RBFOX1: variants seen among roughly 807,000 people sequenced by gnomAD.
RBFOX1 encodes the protein RNA binding fox-1 homolog 1, also known as RNA binding protein fox-1 homolog 1.
RBFOX1 carries 8 observed loss-of-function variants against 57.7 expected under a neutral mutation model. That is an observed-to-expected ratio of 0.14 (90% confidence interval 0.08 to 0.25). The LOEUF is 0.25. Among genes scored for constraint, RBFOX1 ranks in the 10% least tolerant of loss-of-function variants. The probability of loss-of-function intolerance (pLI) is 1.00; values close to 1 mark genes in which losing one functional copy is unlikely to be tolerated. For synonymous variants in RBFOX1, 326 were observed against 222.4 expected, an observed-to-expected ratio of 1.47 and a Z score of -4.15; for missense variants, 611 against 548.5, an observed-to-expected ratio of 1.11 and a Z score of -1.14.
At chr16:5,433,371 T>A (rs1007292075) in intron 1 of RBFOX1, among the ~76,000 whole-genome samples, 2 of 151,804 alleles carry the variant, frequency 1.3e-5, no homozygotes, top group African/African-American at 2.4e-5. Context: ...TGGCTGGGGG[T>A]GAGAATTTGA....
intron 3 of RBFOX1, among the ~76,000 whole-genome samples, chr16:6,741,327 G>A (rs567465784): frequency 2.0e-5 from 3 of 152,172 alleles, no homozygotes; most frequent in Admixed American, 2.0e-4. Context: ...TCGGTGACAT[G>A]CCACCAAGGG....
rs551330677 is a variant in RBFOX1, at chr16:5,508,182, T to C, written c.258+40928T>C. ...GCTGGGGGTCTGGACGTGGTTTAGC[T>C]GCATCATCTGCTTCTGAGTCTCACA... On this transcript the variant is annotated intron_variant, in intron 2 of 2. Transcript: ENST00000585867. Among the ~76,000 whole-genome samples, 4 of 152,332 alleles carry C rather than the reference T, an allele frequency of 2.6e-5. No homozygotes were observed. In the East Asian group the frequency reaches 7.7e-4, roughly 29 times the overall value.
intron 2 of RBFOX1, among the ~76,000 whole-genome samples, chr16:5,539,134 T>C (rs920445643): frequency 3.9e-5 from 6 of 152,282 alleles, no homozygotes; most frequent in South Asian, 2.1e-4. Context: ...CTTAGACACC[T>C]GGGCTTCCAG....
At chr16:6,566,251 G>A (rs1410268532) in intron 2 of RBFOX1, among the ~76,000 whole-genome samples, 2 of 152,174 alleles carry the variant, frequency 1.3e-5, no homozygotes. Flanking sequence ...ACCACGGTGA[G>A]AAAAAGCCAC....
At chr16:6,480,337 C>A (rs1199308288) in intron 2 of RBFOX1, among the ~76,000 whole-genome samples, 1 of 152,096 alleles carries the variant, frequency 6.6e-6, no homozygotes, top group African/African-American at 2.4e-5. Context: ...TTTTAGACTT[C>A]CTGGGCCACT....
At chr16:6,368,481 TC>T (rs1567135013) in intron 2 of RBFOX1, among the ~76,000 whole-genome samples, 1 of 152,238 alleles carries the variant, frequency 6.6e-6, no homozygotes, top group Non-Finnish European at 1.5e-5. Context: ...TGTAGACCTT[TC>T]CAGTTCTCTG....
chr16:6,333,077 C>A (rs2152810135), intron 2 of RBFOX1, among the ~76,000 whole-genome samples: 1 of 152,156 alleles, frequency 6.6e-6, no homozygotes, highest in East Asian at 1.9e-4. Context: ...TCTTGCTCTG[C>A]CACCTAGGCT....
intron 4 of RBFOX1, among the ~76,000 whole-genome samples, chr16:7,483,401 C>T (rs930093224): frequency 2.0e-5 from 3 of 152,180 alleles, no homozygotes; most frequent in Non-Finnish European, 4.4e-5. Context: ...ATTTCCCTTA[C>T]TTGTGAAAGA....
At chr16:5,839,137 G>A (rs1056464389) in intron 3 of RBFOX1, among the ~76,000 whole-genome samples, 14 of 152,080 alleles carry the variant, frequency 9.2e-5, no homozygotes, top group African/African-American at 2.7e-4. Flanking sequence ...TGAAAAACAC[G>A]GACTTATAAC....
At chr16:7,129,802 A>T (rs1371655302) in intron 4 of RBFOX1, among the ~76,000 whole-genome samples, 1 of 127,466 alleles carries the variant, frequency 7.8e-6, no homozygotes, top group South Asian at 2.8e-4. Context: ...TGAAAAAAAA[A>T]ATGAGTGAAT....
chr16:7,411,591 C>G (rs1410176681), intron 4 of RBFOX1, among the ~76,000 whole-genome samples: 1 of 152,170 alleles, frequency 6.6e-6, no homozygotes, highest in African/African-American at 2.4e-5. Flanking sequence ...AAATATCTGA[C>G]TGTCAAGGTG....
chr16:6,809,252 C>T (rs1017026983), intron 3 of RBFOX1, among the ~76,000 whole-genome samples: 2 of 152,122 alleles, frequency 1.3e-5, no homozygotes, highest in African/African-American at 2.4e-5. Context: ...TGGGGGCTGC[C>T]TTCTGAATCG....
intron 2 of RBFOX1, among the ~76,000 whole-genome samples, chr16:6,520,771 G>T (rs867408788): frequency 2.0e-5 from 3 of 152,092 alleles, no homozygotes; most frequent in Non-Finnish European, 4.4e-5. Context: ...CCTTGATTTG[G>T]TTATACCAAG....
At chr16:5,803,085 C>T (rs3901417) in intron 3 of RBFOX1, among the ~76,000 whole-genome samples, 64,132 of 151,992 alleles carry the variant, frequency 0.42, 13,621 homozygotes, top group South Asian at 0.51. Flanking sequence ...AGCACCCAGA[C>T]AATGGCAGGA....
intron 4 of RBFOX1, among the ~76,000 whole-genome samples, chr16:7,183,716 C>G (rs763342626): frequency 1.3e-5 from 2 of 152,160 alleles, no homozygotes; most frequent in Non-Finnish European, 2.9e-5. Context: ...ACACTGAACA[C>G]AAGCTAGTTC....
chr16:5,512,357 TC>T (rs1216385828), intron 2 of RBFOX1, among the ~76,000 whole-genome samples: 1 of 152,114 alleles, frequency 6.6e-6, no homozygotes, highest in East Asian at 1.9e-4. Flanking sequence ...TCAATTTCCC[TC>T]CCTCCCTCCT....
intron 1 of RBFOX1, among the ~76,000 whole-genome samples, chr16:5,435,296 T>C (rs564835271): frequency 5.9e-5 from 9 of 152,284 alleles, no homozygotes; most frequent in African/African-American, 2.2e-4. Flanking sequence ...CTGCTGCATG[T>C]GGATCTGTTT....
At chr16:5,376,411 C>G (rs999724575) in intron 1 of RBFOX1, among the ~76,000 whole-genome samples, 2 of 152,024 alleles carry the variant, frequency 1.3e-5, no homozygotes, top group Non-Finnish European at 1.5e-5. Context: ...TGTTGTGTTT[C>G]TCAGAGAAAG....
At chr16:5,305,299 A>G (rs2063905987) in intron 1 of RBFOX1, among the ~76,000 whole-genome samples, 1 of 152,178 alleles carries the variant, frequency 6.6e-6, no homozygotes, top group Non-Finnish European at 1.5e-5. Flanking sequence ...GGCACCACAC[A>G]GGCTTTTATT....
Sources: gnomAD v4.1 joint callset for allele counts (sites outside exome capture counted in the v4.1 genomes callset) on GRCh38, gnomAD v4.1.1 for gene constraint, MANE v1.5 for transcripts, NCBI Gene and HGNC (gene_info 2026-07-23, HGNC 2026-07-21) for gene names.